TMOD1: variants seen among roughly 807,000 people sequenced by gnomAD.
TMOD1 encodes the protein tropomodulin-1.
TMOD1 carries 17 observed loss-of-function variants against 40.6 expected under a neutral mutation model. That is an observed-to-expected ratio of 0.42 (90% CI 0.29 to 0.63). TMOD1 has a LOEUF of 0.63. Ranked by LOEUF, TMOD1 falls within the 20% of genes least tolerant of loss-of-function variation. The pLI, the probability that TMOD1 is intolerant of heterozygous loss-of-function variation, is 0.22. For missense variants in TMOD1, 391 were observed against 447.6 expected (o/e 0.87, Z 1.14); for synonymous variants, 181 against 175.0 (o/e 1.03, Z -0.27).
intron 9 of TMOD1, 30 bp from the exon 10 acceptor site, chr9:97,599,604 G>A (rs1826206331): frequency 6.2e-7 from 1 of 1,613,988 alleles, no homozygotes; most frequent in Non-Finnish European, 8.5e-7. Context: ...AGGGAAAAGT[G>A]CCTTATATCT....
intron 7 of TMOD1, 72 bp downstream of exon 7, chr9:97,566,027 A>C (rs1279899504): frequency 1.5e-6 from 2 of 1,351,556 alleles, no homozygotes; most frequent in Non-Finnish European, 2.1e-6. Context: ...ATGTGGCCTC[A>C]GGACTGGTTG....
intron 3 of TMOD1, among the ~76,000 whole-genome samples, chr9:97,551,164 C>T (rs1830449560): frequency 6.6e-6 from 1 of 151,512 alleles, no homozygotes; most frequent in African/African-American, 2.4e-5. Context: ...GCTGGGACTA[C>T]AGGCACGCAC....
chr9:97,537,911 A>G (rs1387960653), intron 2 of TMOD1, among the ~76,000 whole-genome samples: 1 of 152,214 alleles, frequency 6.6e-6, no homozygotes, highest in Non-Finnish European at 1.5e-5. Flanking sequence ...CTTAGATCAG[A>G]TGTGGCATAA....
At chr9:97,591,215 AGAG>A (rs1825992931) in intron 8 of TMOD1, 73 bp from the exon 9 acceptor site, 1 of 1,428,328 alleles carries the variant, frequency 7.0e-7, no homozygotes, top group Admixed American at 2.4e-5. Context: ...TTCTGCAGGT[AGAG>A]GTGGTTTAGG....
intron 2 of TMOD1, among the ~76,000 whole-genome samples, chr9:97,527,568 T>C (rs1386009397): frequency 6.6e-6 from 1 of 152,166 alleles, no homozygotes; most frequent in Non-Finnish European, 1.5e-5. Context: ...AGGGAAGGAA[T>C]TGGGGATGGG....
intron 9 of TMOD1, among the ~76,000 whole-genome samples, chr9:97,594,883 C>T (rs935647405): frequency 6.6e-6 from 1 of 152,156 alleles, no homozygotes; most frequent in Non-Finnish European, 1.5e-5. Context: ...AAATCTGCCA[C>T]TGCAGCTCTC....
intron 7 of TMOD1, 33 bp downstream of exon 7, chr9:97,565,988 T>C (rs1830721669): frequency 6.3e-7 from 1 of 1,586,492 alleles, no homozygotes; most frequent in Non-Finnish European, 8.7e-7. Flanking sequence ...GCATTGTGGC[T>C]GGGGGCCTTG....
At chr9:97,508,481 T>C (rs59283786) in intron 1 of TMOD1, among the ~76,000 whole-genome samples, 62,223 of 152,066 alleles carry the variant, frequency 0.41, 12,884 homozygotes, top group East Asian at 0.51. Flanking sequence ...CGAGCCACCG[T>C]ACCCAGCCAA....
chr9:97,565,817 G>C, intron 6 of TMOD1, 31 bp from the exon 7 acceptor site: 1 of 1,576,356 alleles, frequency 6.3e-7, no homozygotes, highest in Non-Finnish European at 8.7e-7. Flanking sequence ...GAGGCTTCTG[G>C]TCACTCTCTC....
chr9:97,501,421 C>A (rs1314550365), upstream of TMOD1, among the ~76,000 whole-genome samples: 1 of 152,148 alleles, frequency 6.6e-6, no homozygotes, highest in Non-Finnish European at 1.5e-5. Context: ...CTGGTACCAG[C>A]GGGGAAGCGG....
chr9:97,574,505 C>T (rs1044914510), intron 8 of TMOD1, among the ~76,000 whole-genome samples: 8 of 152,238 alleles, frequency 5.3e-5, no homozygotes, highest in African/African-American at 1.9e-4. Flanking sequence ...ACAAGCGCCG[C>T]CCCCTGCTCC....
upstream of TMOD1, chr9:97,501,353 C>T (rs1829496508): frequency 6.6e-6 from 1 of 152,248 alleles, no homozygotes; most frequent in Non-Finnish European, 1.5e-5. Flanking sequence ...CTAAACCCCA[C>T]AGGAATGCAA....
At chr9:97,528,948 C>T (rs761222123) in intron 2 of TMOD1, among the ~76,000 whole-genome samples, 3 of 152,220 alleles carry the variant, frequency 2.0e-5, no homozygotes, top group Non-Finnish European at 2.9e-5. Flanking sequence ...ACTTATTTGA[C>T]CATCATCATG....
intron 2 of TMOD1, among the ~76,000 whole-genome samples, chr9:97,532,938 CTG>C (rs1330666038): frequency 6.6e-6 from 1 of 152,228 alleles, no homozygotes; most frequent in Non-Finnish European, 1.5e-5. Flanking sequence ...ACCGTGGCCT[CTG>C]TGTCAGAGAA....
intron 1 of TMOD1, among the ~76,000 whole-genome samples, chr9:97,523,241 C>T (rs1829945574): frequency 6.6e-6 from 1 of 152,108 alleles, no homozygotes; most frequent in Non-Finnish European, 1.5e-5. Flanking sequence ...GGTCCAAATG[C>T]GTTGGGTGTC....
intron 3 of TMOD1, among the ~76,000 whole-genome samples, chr9:97,551,672 C>T (rs1181974628): frequency 6.6e-6 from 1 of 152,108 alleles, no homozygotes; most frequent in Non-Finnish European, 1.5e-5. Flanking sequence ...TGGCATTTGT[C>T]GCCCGTAATT....
intron 4 of TMOD1, chr9:97,555,343 G>A: frequency 1.7e-6 from 2 of 1,202,912 alleles, no homozygotes; most frequent in East Asian, 1.0e-4. Flanking sequence ...TTTTACCCTG[G>A]ACTTTCTCCT....
intron 9 of TMOD1, among the ~76,000 whole-genome samples, chr9:97,594,113 C>G (rs929162881): frequency 6.6e-6 from 1 of 152,090 alleles, no homozygotes; most frequent in Non-Finnish European, 1.5e-5. Context: ...TGGCAGTTTC[C>G]TGGACGGTGA....
At chr9:97,512,906 G>T (rs151273624) in intron 1 of TMOD1, 1 of 152,116 alleles carries the variant, frequency 6.6e-6, no homozygotes, top group Admixed American at 6.5e-5. Context: ...TACATGAGTT[G>T]TATACTTAAG....
Sources: allele counts gnomAD v4.1 joint callset (sites outside exome capture counted in the v4.1 genomes callset), GRCh38; gene constraint gnomAD v4.1.1; transcripts MANE v1.5; gene names NCBI Gene and HGNC (gene_info 2026-07-23, HGNC 2026-07-21).